The following IVNS1ABP variants were observed in gnomAD, a reference collection of about 807,000 sequenced individuals.
The protein encoded by IVNS1ABP is influenza virus NS1A binding protein, also known as influenza virus NS1A-binding protein.
A neutral mutation model predicts 78.9 loss-of-function variants in IVNS1ABP; 25 were observed. The ratio of observed to expected loss-of-function variants is 0.32; its 90% CI spans 0.23 to 0.44. The LOEUF (loss-of-function observed/expected upper bound fraction) is 0.44, where lower values mean the gene tolerates loss of function less well. Among genes scored for constraint, IVNS1ABP ranks in the 20% least tolerant of loss-of-function variants. IVNS1ABP has a pLI of 1.00. For missense variants in IVNS1ABP, 494 were observed against 768.9 expected (o/e 0.64, Z 4.23); for synonymous variants, 241 against 259.7 (o/e 0.93, Z 0.69).
rs1665517057 is a variant in IVNS1ABP, at chr1:185,299,707, C to T, written c.1675+3G>A. The T allele has an allele frequency of 1.2e-6, 2 of 1,613,536 alleles. No homozygotes were observed. Among genetic ancestry groups the T allele is most frequent in the African/African-American group, 2.7e-5 (2 of 74,990 alleles). Reference sequence around the variant, plus strand: ...CTTCACCTCTCCAAATCCCAACACTCACCATTAAGAACAGCCACTCCAGCT... The same window carrying T: ...CTTCACCTCTCCAAATCCCAACACTTACCATTAAGAACAGCCACTCCAGCT... On this transcript the variant is annotated splice_donor_region_variant and intron_variant, in intron 14 of 14. Transcript: ENST00000367498.
At chr1:185,301,360 AG>A (rs1363973250) in intron 9 of IVNS1ABP, 73 bp downstream of exon 9, 4 of 1,538,166 alleles carry the variant, frequency 2.6e-6, no homozygotes, top group African/African-American at 1.4e-5. Flanking sequence ...TCAATTTAAG[AG>A]GTATTAAATT....
intron 8 of IVNS1ABP, among the ~76,000 whole-genome samples, chr1:185,304,454 C>T (rs1247446516): frequency 6.6e-6 from 1 of 152,040 alleles, no homozygotes; most frequent in Admixed American, 6.6e-5. Context: ...TCACTGTTGC[C>T]ACAGGACACC....
In IVNS1ABP at chr1:185,305,529, T is replaced by A; in HGVS notation, c.765+7A>T. The A allele has an allele frequency of 6.2e-7, 1 of 1,613,064 alleles. No homozygotes were observed. Among genetic ancestry groups the A allele is most frequent in the Non-Finnish European group, 8.5e-7 (1 of 1,179,352 alleles). On this transcript the variant is annotated splice_region_variant and intron_variant, in intron 8 of 14. Coordinates refer to ENST00000367498, the MANE Select transcript of IVNS1ABP (RefSeq NM_006469.5). This position sits in a 1 kb window ranked among gnomAD's most constrained non-coding sequence, Gnocchi z 4.0. ...CCTGAGGTTACCTCAGACTGTGCAATGTGTACCTGCACAAACTGAATGTGG... is the reference window on the plus strand; with the variant it reads ...CCTGAGGTTACCTCAGACTGTGCAAAGTGTACCTGCACAAACTGAATGTGG...
Position 185,298,514 on chromosome 1 carries a change from G to A in IVNS1ABP, c.1676-226C>T. 1.9e-6 allele frequency: 1 copy of A among 530,790 alleles called. No individual in the cohort carries two copies. Among genetic ancestry groups the A allele is most frequent in the East Asian group, 3.2e-5 (1 of 31,640 alleles). The allele number at this position is 530,790 out of a possible 1,614,324, so 32.9% of individuals were successfully genotyped here. On this transcript the variant is annotated intron_variant, in intron 14 of 14. Coordinates refer to ENST00000367498, the MANE Select transcript of IVNS1ABP (RefSeq NM_006469.5). This position sits in a 1 kb window ranked among gnomAD's most constrained non-coding sequence, Gnocchi z 4.1. Reference sequence around the variant, plus strand: ...CACGTGGAACTTAGGCAACTTAAAAGGGGGAGGGAGAGGAAGCAGTAGCAG... The same window carrying A: ...CACGTGGAACTTAGGCAACTTAAAAAGGGGAGGGAGAGGAAGCAGTAGCAG...
chr1:185,306,714 T>C, intron 7 of IVNS1ABP: 1 of 1,048,500 alleles, frequency 9.5e-7, no homozygotes, highest in East Asian at 6.5e-5. Flanking sequence ...TGAAGAAAAA[T>C]TAAGAATCTA....
rs957565757 is a variant in IVNS1ABP, at chr1:185,301,702, A to G, written c.766-139T>C. 5 of 848,060 alleles carry G rather than the reference A, an allele frequency of 5.9e-6. No homozygotes were observed. In the East Asian group the frequency reaches 1.0e-4, roughly 17 times the overall value. 52.5% of individuals were successfully genotyped at this position (848,060 alleles called of 1,614,324 possible). On this transcript the variant is annotated intron_variant, in intron 8 of 14. Transcript: ENST00000367498. The stretch of plus-strand genomic sequence containing the variant: ...AGGACACTAACTTTAACTCAAGCCA[A>G]CACTTTCCAAATGACACAAATTACT...
At chr1:185,299,038 T>A (rs1438422187) in intron 14 of IVNS1ABP, 1 of 152,298 alleles carries the variant, frequency 6.6e-6, no homozygotes, top group African/African-American at 2.4e-5. Flanking sequence ...TCATTATTTT[T>A]TCATTTGACC....
chr1:185,315,122 T>A (rs1210546132), intron 1 of IVNS1ABP, among the ~76,000 whole-genome samples: 1 of 152,186 alleles, frequency 6.6e-6, no homozygotes, highest in Non-Finnish European at 1.5e-5. Flanking sequence ...CTTTAATAAT[T>A]CCTACTTGCA....
rs1446010569 is a variant in IVNS1ABP, at chr1:185,306,718, GA to G, written c.657+295del. 1.2e-5 allele frequency: 12 copies of G among 1,023,194 alleles called. No individual in the cohort carries two copies. In the East Asian group the frequency reaches 2.6e-4, roughly 22 times the overall value. 63.4% of individuals were successfully genotyped at this position (1,023,194 alleles called of 1,614,324 possible). Reference sequence around the variant, plus strand: ...GCAAAAACCTGTGAAGAAAAATTAAGAATCTACAGAAAATTTCAGTACCACT... The same window carrying G: ...GCAAAAACCTGTGAAGAAAAATTAAGATCTACAGAAAATTTCAGTACCACT... On this transcript the variant is annotated intron_variant, in intron 7 of 14. Coordinates refer to ENST00000367498, the MANE Select transcript of IVNS1ABP (RefSeq NM_006469.5).
At chr1:185,304,721 C>T (rs1204292729) in intron 8 of IVNS1ABP, among the ~76,000 whole-genome samples, 2 of 152,122 alleles carry the variant, frequency 1.3e-5, no homozygotes, top group Non-Finnish European at 2.9e-5. Context: ...TTTGGGAGCA[C>T]TATACGGAAA....
chr1:185,312,519 T>A (rs1665914772), intron 1 of IVNS1ABP, among the ~76,000 whole-genome samples: 1 of 152,230 alleles, frequency 6.6e-6, no homozygotes, highest in Non-Finnish European at 1.5e-5. Context: ...CCAGTTCGAA[T>A]TCAACAAACC....
chr1:185,305,613 T>C lies in IVNS1ABP; in HGVS notation c.688A>G (p.Lys230Glu). ...VQTLYYSADH[K>E]LLDGNLLDGQ... Reference sequence around the variant, plus strand: ...TCTAGTAGGTTCCCATCAAGCAGCTTGTGATCAGCTGAGTAGTACAAGGTT... The same window carrying C: ...TCTAGTAGGTTCCCATCAAGCAGCTCGTGATCAGCTGAGTAGTACAAGGTT... The change falls in exon 8 of 15, where the codon AAG becomes GAG. Residue 230 changes from lysine (K) to glutamate (E), a missense_variant. By Grantham distance (56) the Lys-to-Glu change is moderately conservative. Coordinates refer to ENST00000367498, the MANE Select transcript of IVNS1ABP (RefSeq NM_006469.5). The surrounding 1 kb of genome is among the most constrained non-coding windows in gnomAD (Gnocchi z 4.0). The C allele has an allele frequency of 6.2e-7, 1 of 1,613,276 alleles. No homozygotes were observed. The highest frequency in any genetic ancestry group is 8.5e-7 in the Non-Finnish European group (1 of 1,179,510).
intron 1 of IVNS1ABP, among the ~76,000 whole-genome samples, chr1:185,315,689 T>C (rs1025931346): frequency 3.2e-4 from 48 of 152,242 alleles, no homozygotes; most frequent in African/African-American, 1.2e-3. Flanking sequence ...CAGCAGGCTT[T>C]AGCCTAAAAG....
intron 8 of IVNS1ABP, among the ~76,000 whole-genome samples, chr1:185,303,032 AAT>A (rs1665641565): frequency 6.6e-6 from 1 of 152,092 alleles, no homozygotes; most frequent in Non-Finnish European, 1.5e-5. Context: ...AAGAATAAAA[AAT>A]AAGGTTAGAC....
At chr1:185,316,702 C>G (rs1175138206) in intron 1 of IVNS1ABP, among the ~76,000 whole-genome samples, 1 of 152,200 alleles carries the variant, frequency 6.6e-6, no homozygotes, top group East Asian at 1.9e-4. Context: ...CCGCGCTCTC[C>G]GAGGCGACCG....
chr1:185,301,853 A>G (rs192929616), intron 8 of IVNS1ABP: 5 of 209,340 alleles, frequency 2.4e-5, no homozygotes, highest in African/African-American at 1.2e-4. Context: ...AGAAGAAAAA[A>G]CCAATCTATA....
intron 5 of IVNS1ABP, among the ~76,000 whole-genome samples, 194 bp downstream of exon 5, chr1:185,308,606 A>G (rs1345078391): frequency 6.6e-6 from 1 of 152,150 alleles, no homozygotes; most frequent in East Asian, 1.9e-4. Flanking sequence ...CTTCAGCCCA[A>G]ATTATCTGAG....
intron 8 of IVNS1ABP, 129 bp from the exon 9 acceptor site, chr1:185,301,692 ACT>A: frequency 1.1e-6 from 1 of 929,128 alleles, no homozygotes; most frequent in Non-Finnish European, 1.6e-6. Flanking sequence ...ACTAACTTTA[ACT>A]CAAGCCAACA....
In IVNS1ABP at chr1:185,298,473, A is replaced by G. The variant is rs1460827054; in HGVS notation, c.1676-185T>C. Reference sequence around the variant, plus strand: ...TCTCTAAGAGCTGGGAATCAAATCAATAAAAAAACCATTCCCACGTGGAAC... The same window carrying G: ...TCTCTAAGAGCTGGGAATCAAATCAGTAAAAAAACCATTCCCACGTGGAAC... On this transcript the variant is annotated intron_variant, in intron 14 of 14. Transcript: ENST00000367498. The surrounding 1 kb of genome is among the most constrained non-coding windows in gnomAD (Gnocchi z 4.1). The G allele has an allele frequency of 6.6e-6, 4 of 603,606 alleles. No individual in the cohort carries two copies. Among genetic ancestry groups the G allele is most frequent in the East Asian group, 2.9e-5 (1 of 34,242 alleles). The allele number at this position is 603,606 out of a possible 1,614,324, so 37.4% of individuals were successfully genotyped here.
Sources: gnomAD v4.1 joint callset for allele counts (sites outside exome capture counted in the v4.1 genomes callset) on GRCh38, gnomAD v4.1.1 for gene constraint, Gnocchi (gnomAD v3.1) non-coding constraint, MANE v1.5 for transcripts, NCBI Gene and HGNC (gene_info 2026-07-23, HGNC 2026-07-21) for gene names.